Variants in RRP15 observed in about 807,000 individuals in gnomAD.
The protein encoded by RRP15 is ribosomal RNA processing 15 homolog, also known as RRP15-like protein.
In RRP15, 18 loss-of-function variants were observed where a neutral mutation model predicts 27.1. The observed-to-expected ratio is 0.66, with a 90% CI of 0.46 to 0.98. The LOEUF (loss-of-function observed/expected upper bound fraction) is 0.98. RRP15 is among the 50% of genes least tolerant of loss of function. RRP15 has a pLI of 0.00. For missense variants in RRP15, 359 were observed against 337.8 expected, an observed-to-expected ratio of 1.06 and a Z score of -0.49; for synonymous variants, 107 against 109.4, an observed-to-expected ratio of 0.98 and a Z score of 0.14.
chr1:218,301,818 A>G (rs1321376030), intron 1 of RRP15: 2 of 152,494 alleles, frequency 1.3e-5, no homozygotes, highest in Non-Finnish European at 2.9e-5. Context: ...AGAATTTTAA[A>G]TATCTGGGAC....
chr1:218,309,754 G>T (rs1394552194), intron 4 of RRP15, among the ~76,000 whole-genome samples: 1 of 146,610 alleles, frequency 6.8e-6, no homozygotes, highest in Non-Finnish European at 1.5e-5. Flanking sequence ...TCCTTGTTGT[G>T]TCCTTTAAAA....
At chr1:218,310,735 C>CAT (rs1043091718) in intron 4 of RRP15, among the ~76,000 whole-genome samples, 2 of 151,904 alleles carry the variant, frequency 1.3e-5, no homozygotes, top group Non-Finnish European at 2.9e-5. Context: ...CCGAACAAGT[C>CAT]ATTTTTCTTT....
At chr1:218,298,458 A>G (rs1305972437) in intron 1 of RRP15, among the ~76,000 whole-genome samples, 2 of 152,170 alleles carry the variant, frequency 1.3e-5, no homozygotes, top group Non-Finnish European at 2.9e-5. Context: ...TTTCTTGGCC[A>G]TCACTCATAA....
At chr1:218,312,454 A>G (rs1454020635) in intron 4 of RRP15, among the ~76,000 whole-genome samples, 1 of 152,116 alleles carries the variant, frequency 6.6e-6, no homozygotes, top group Non-Finnish European at 1.5e-5. Context: ...AGGGCTATGA[A>G]AAAAGATACT....
chr1:218,301,244 A>G (rs916337741), intron 1 of RRP15: 1 of 152,166 alleles, frequency 6.6e-6, no homozygotes, highest in Non-Finnish European at 1.5e-5. Context: ...CTTCTTTGTT[A>G]GCTCTTCTTC....
Position 218,309,858 on chromosome 1 carries a change from C to T in RRP15, c.705+2226C>T, listed in dbSNP as rs551673837. On this transcript the variant is annotated intron_variant, in intron 4 of 4. Transcript: ENST00000366932. The stretch of plus-strand genomic sequence containing the variant: ...ATTCTAAATTAGTATGTCAAGTACA[C>T]GTTAACATTAGTTACACCAGCTCTA... Among the ~76,000 whole-genome samples, 4 of 152,172 alleles carry T rather than the reference C, an allele frequency of 2.6e-5. No individual in the cohort carries two copies. In the South Asian group the frequency reaches 8.3e-4, roughly 32 times the overall value.
chr1:218,301,499 T>C (rs1655810347), intron 1 of RRP15: 1 of 152,222 alleles, frequency 6.6e-6, no homozygotes, highest in African/African-American at 2.4e-5. Flanking sequence ...TGGACTATTG[T>C]TTCTGCTAAT....
At position 218,307,461 on chromosome 1, in the gene RRP15, G is replaced by A. The variant is rs1303718366; in HGVS notation, c.534G>A (p.Gln178=). The part of the protein sequence containing the change: ...RGVVQLFNAV[Q]KHQKNVDEKV... ...TGGTGCAATTATTTAATGCTGTTCA[G>A]AAACATCAAAAGAATGTTGATGAAA... Residue 178 remains glutamine (Q), a synonymous_variant, in exon 4 of 5, where the codon CAG becomes CAA. Coordinates refer to ENST00000366932, the MANE Select transcript of RRP15 (RefSeq NM_016052.4). 1.2e-6 allele frequency: 2 copies of A among 1,613,694 alleles called. No homozygotes were observed. Among genetic ancestry groups the A allele is most frequent in the Non-Finnish European group, 8.5e-7 (1 of 1,179,864 alleles).
At chr1:218,293,126 A>G (rs1655671497) in intron 1 of RRP15, among the ~76,000 whole-genome samples, 2 of 151,928 alleles carry the variant, frequency 1.3e-5, no homozygotes, top group Non-Finnish European at 1.5e-5. Flanking sequence ...CCCATGCTCA[A>G]GCAATCCTCC....
intron 4 of RRP15, 117 bp downstream of exon 4, chr1:218,307,749 A>G: frequency 2.7e-6 from 2 of 730,562 alleles, no homozygotes; most frequent in South Asian, 3.9e-5. Flanking sequence ...AAATTTTATT[A>G]AAATTCCTCC....
intron 1 of RRP15, among the ~76,000 whole-genome samples, chr1:218,299,092 A>C (rs993283826): frequency 1.3e-5 from 2 of 152,296 alleles, no homozygotes; most frequent in African/African-American, 4.8e-5. Flanking sequence ...ATTTTGAGCC[A>C]GTTCTATTTT....
At chr1:218,330,391 A>G (rs1376199614) in intron 4 of RRP15, among the ~76,000 whole-genome samples, 1 of 152,222 alleles carries the variant, frequency 6.6e-6, no homozygotes, top group Non-Finnish European at 1.5e-5. Flanking sequence ...TGGGTCAGGC[A>G]GTGAGCTCAT....
chr1:218,311,186 C>A (rs551809662), intron 4 of RRP15, among the ~76,000 whole-genome samples: 7 of 152,302 alleles, frequency 4.6e-5, no homozygotes, highest in African/African-American at 1.7e-4. Context: ...ACCTTGGCAA[C>A]TCTTAGTACT....
At chr1:218,317,386 A>G (rs1030292506) in intron 4 of RRP15, among the ~76,000 whole-genome samples, 1 of 152,260 alleles carries the variant, frequency 6.6e-6, no homozygotes, top group Non-Finnish European at 1.5e-5. Flanking sequence ...CCACAGTGTC[A>G]GCAAGACTAG....
At chr1:218,302,768 C>A in intron 2 of RRP15, 1 of 641,306 alleles carries the variant, frequency 1.6e-6, no homozygotes, top group Non-Finnish European at 2.4e-6. Flanking sequence ...TATGCAAAGG[C>A]AAAGTAATAG....
intron 1 of RRP15, among the ~76,000 whole-genome samples, chr1:218,296,643 CAA>C (rs200927255): frequency 2.7e-4 from 28 of 102,034 alleles, no homozygotes; most frequent in Admixed American, 2.1e-4. Context: ...GACCTTGTCT[CAA>C]AAAAAAAAAA....
chr1:218,315,726 GA>G (rs1656081001), intron 4 of RRP15, among the ~76,000 whole-genome samples: 2 of 152,084 alleles, frequency 1.3e-5, no homozygotes, highest in South Asian at 4.1e-4. Flanking sequence ...AAAGTGCTGG[GA>G]TTACAGGCTT....
Position 218,302,521 on chromosome 1 carries a change from G to T in RRP15, c.367G>T (p.Glu123Ter), listed in dbSNP as rs931079494. The change falls in exon 2 of 5, where the codon GAA (glutamate) becomes TAA (stop). Residue 123 changes from glutamate to a stop codon, truncating the protein, a stop_gained. Coordinates refer to ENST00000366932, the MANE Select transcript of RRP15 (RefSeq NM_016052.4). LOFTEE classifies it high-confidence loss of function. Reference sequence around the variant, plus strand: ...AAATAAGAAGCTGGAAAAGGAAAAAGAAAAGTTAAAGCAAGAAAGACTAGA... The same window carrying T: ...AAATAAGAAGCTGGAAAAGGAAAAATAAAAGTTAAAGCAAGAAAGACTAGA... ...VKNKKLEKEK[E>*]KLKQERLEKI... The T allele has an allele frequency of 1.2e-6, 2 of 1,613,168 alleles. No homozygotes were observed. The highest frequency in any genetic ancestry group is 1.7e-6 in the Non-Finnish European group (2 of 1,179,802).
chr1:218,318,032 T>C (rs1656117730), intron 4 of RRP15, among the ~76,000 whole-genome samples: 1 of 152,058 alleles, frequency 6.6e-6, no homozygotes, highest in South Asian at 2.1e-4. Context: ...CCCAGCTCTT[T>C]TATAAAAATT....
Sources: gnomAD v4.1 joint callset for allele counts (sites outside exome capture counted in the v4.1 genomes callset) on GRCh38, gnomAD v4.1.1 for gene constraint, MANE v1.5 for transcripts, NCBI Gene and HGNC (gene_info 2026-07-23, HGNC 2026-07-21) for gene names.